Variants in LDAF1 observed in about 807,000 individuals in gnomAD.
LDAF1 encodes the protein PROMETHIN.
A neutral mutation model predicts 13.5 loss-of-function variants in LDAF1; 7 were observed. The ratio of observed to expected loss-of-function variants is 0.52; its 90% CI spans 0.29 to 0.97. The LOEUF is 0.97. Among genes scored for constraint, LDAF1 ranks in the 50% least tolerant of loss-of-function variants. The pLI is 0.07. For synonymous variants in LDAF1, 69 were observed against 77.1 expected (o/e 0.89, Z 0.55); for missense variants, 148 against 193.2 (o/e 0.77, Z 1.39).
At chr16:21,170,974 T>C (rs1034992042) in intron 3 of LDAF1, among the ~76,000 whole-genome samples, 7 of 152,214 alleles carry the variant, frequency 4.6e-5, no homozygotes, top group African/African-American at 1.7e-4. Context: ...GATATAATAA[T>C]ACAATCTCAA....
At chr16:21,166,858 A>G in intron 2 of LDAF1, 1 of 1,535,694 alleles carries the variant, frequency 6.5e-7, no homozygotes, top group Non-Finnish European at 8.7e-7. Flanking sequence ...ACACAGCAGG[A>G]TCTCACTGGA....
chr16:21,162,381 G>C (rs1597529364), intron 2 of LDAF1, among the ~76,000 whole-genome samples: 2 of 136,556 alleles, frequency 1.5e-5, no homozygotes, highest in South Asian at 5.3e-4. Context: ...GCCACTCAGT[G>C]GCAATGAGAC....
chr16:21,178,233 C>T (rs1306741815), intron 4 of LDAF1: 1 of 985,206 alleles, frequency 1.0e-6, no homozygotes. Context: ...GCAAGACCTT[C>T]CAGGGCCTGC....
chr16:21,176,514 G>A (rs901231744), intron 4 of LDAF1, among the ~76,000 whole-genome samples: 8 of 152,036 alleles, frequency 5.3e-5, no homozygotes, highest in Non-Finnish European at 8.8e-5. Context: ...GTGGTGGTGC[G>A]TGCCTGTAGT....
intron 2 of LDAF1, among the ~76,000 whole-genome samples, chr16:21,167,357 G>A (rs952647498): frequency 6.6e-6 from 1 of 152,268 alleles, no homozygotes; most frequent in Non-Finnish European, 1.5e-5. Context: ...ATGATGGAAG[G>A]AGGTTCTGGA....
At chr16:21,167,696 G>GTTTTGTTTTT (rs1555584377) in intron 2 of LDAF1, among the ~76,000 whole-genome samples, 5 of 89,092 alleles carry the variant, frequency 5.6e-5, no homozygotes, top group Non-Finnish European at 1.0e-4. Flanking sequence ...CCTTAGGTTT[G>GTTTTGTTTTT]TTTTTTTTTT....
intron 1 of LDAF1, among the ~76,000 whole-genome samples, chr16:21,160,168 G>C (rs1350101127): frequency 8.4e-6 from 1 of 118,596 alleles, no homozygotes; most frequent in African/African-American, 3.7e-5. Context: ...AATCTTTTAA[G>C]CATTTGTACT....
At chr16:21,166,445 A>T (rs2093024995) in intron 2 of LDAF1, among the ~76,000 whole-genome samples, 1 of 152,244 alleles carries the variant, frequency 6.6e-6, no homozygotes, top group African/African-American at 2.4e-5. Flanking sequence ...TTTAAAATTT[A>T]AATTAAATTA....
intron 2 of LDAF1, among the ~76,000 whole-genome samples, chr16:21,164,850 A>G (rs2093008628): frequency 6.6e-6 from 1 of 152,180 alleles, no homozygotes; most frequent in Non-Finnish European, 1.5e-5. Context: ...TGAAATGTTA[A>G]TTGCTACGTT....
At chr16:21,179,121 G>T (rs1042568948) in intron 4 of LDAF1, among the ~76,000 whole-genome samples, 7 of 152,094 alleles carry the variant, frequency 4.6e-5, no homozygotes, top group African/African-American at 1.7e-4. Flanking sequence ...GGTCTTGAAC[G>T]GGCTGCTTGA....
chr16:21,172,008 G>A lies in LDAF1; in HGVS notation c.265+1403G>A, dbSNP rs373031961. On this transcript the variant is annotated intron_variant, in intron 3 of 4. Coordinates refer to ENST00000233047, the MANE Select transcript of LDAF1 (RefSeq NM_001301771.2). ...CCACCTCGGCCTCCCAAAGTGCTGG[G>A]ATTACAGGTGTGAGCCACTGCACCC... 3.7e-4 allele frequency among the ~76,000 whole-genome samples: 57 copies of A among 152,132 alleles called. 1 individual carries two copies. In the East Asian group the frequency reaches 5.4e-3, roughly 14 times the overall value.
intron 2 of LDAF1, among the ~76,000 whole-genome samples, chr16:21,170,054 G>T (rs1481874704): frequency 6.6e-6 from 1 of 151,992 alleles, no homozygotes; most frequent in Admixed American, 6.6e-5. Context: ...CCAGGCTGGA[G>T]TGCAATGGTG....
chr16:21,159,513 G>C lies in LDAF1; in HGVS notation c.-99+767G>C, dbSNP rs751842780. 19 of 1,379,282 alleles carry C rather than the reference G, an allele frequency of 1.4e-5. No individual in the cohort carries two copies. In the Admixed American group the frequency reaches 1.4e-4, roughly 10 times the overall value. The allele number at this position is 1,379,282 out of a possible 1,614,324, so 85.4% of individuals were successfully genotyped here. On this transcript the variant is annotated intron_variant, in intron 1 of 4. Coordinates refer to ENST00000233047, the MANE Select transcript of LDAF1 (RefSeq NM_001301771.2). ...GTAGCCGTTTTCCCCTGGAGGTTCG[G>C]GGGTGGGAGGGCCAGGAGATTTATT...
At chr16:21,176,217 T>A (rs559398778) in intron 4 of LDAF1, among the ~76,000 whole-genome samples, 1 of 152,156 alleles carries the variant, frequency 6.6e-6, no homozygotes, top group African/African-American at 2.4e-5. Context: ...ATGAAGAAAT[T>A]GAAAAACAAA....
intron 2 of LDAF1, among the ~76,000 whole-genome samples, chr16:21,166,444 T>G (rs542638807): frequency 6.6e-6 from 1 of 152,366 alleles, no homozygotes; most frequent in East Asian, 1.9e-4. Flanking sequence ...CTTTAAAATT[T>G]AAATTAAATT....
chr16:21,161,195 G>A lies in LDAF1; in HGVS notation c.13G>A (p.Glu5Lys). ...AGTGAGCTTCAGAATGGCAAAAGAG[G>A]AGCCCCAGAGTATCTCAAGGGACTT... MAKEEPQSISRDLQE... is the reference protein window; with the variant it reads MAKEKPQSISRDLQE... Residue 5 changes from glutamate to lysine, a missense_variant, in exon 2 of 5, where the codon GAG (glutamate) becomes AAG (lysine). Coordinates refer to ENST00000233047, the MANE Select transcript of LDAF1 (RefSeq NM_001301771.2). 1 of 1,614,136 alleles carries A rather than the reference G, an allele frequency of 6.2e-7. No individual in the cohort carries two copies. Among genetic ancestry groups the A allele is most frequent in the Non-Finnish European group, 8.5e-7 (1 of 1,180,026 alleles).
intron 2 of LDAF1, chr16:21,165,557 C>A: frequency 1.0e-6 from 1 of 980,946 alleles, no homozygotes; most frequent in Non-Finnish European, 1.2e-6. Context: ...ACCCATCTAC[C>A]CCTCCCCCTT....
rs1026257839 is a variant in LDAF1, at chr16:21,176,936, T to C, written c.405-2539T>C. 3.9e-5 allele frequency among the ~76,000 whole-genome samples: 6 copies of C among 151,918 alleles called. No individual in the cohort carries two copies. The East Asian group carries it at 1.2e-3, about 29-fold the overall frequency. On this transcript the variant is annotated intron_variant, in intron 4 of 4. Transcript: ENST00000233047. ...AAAAAGAATATTAATAATTATTTCT[T>C]TTTAAAAAATTTTCTTCCTCATTGT...
intron 1 of LDAF1, chr16:21,159,365 GC>G (rs776154678): frequency 6.2e-7 from 1 of 1,614,064 alleles, no homozygotes; most frequent in Non-Finnish European, 8.5e-7. Context: ...GGTCTCCCTG[GC>G]TTTTGAACGC....
Sources: gnomAD v4.1 joint callset for allele counts (sites outside exome capture counted in the v4.1 genomes callset) on GRCh38, gnomAD v4.1.1 for gene constraint, MANE v1.5 for transcripts, NCBI Gene and HGNC (gene_info 2026-07-23, HGNC 2026-07-21) for gene names.